The following PARN variants were observed in gnomAD, a reference collection of about 807,000 sequenced individuals.
PARN encodes the protein poly(A)-specific ribonuclease PARN.
In PARN, 71 loss-of-function variants were observed where a neutral mutation model predicts 102.8. That is an observed-to-expected ratio of 0.69 (90% CI 0.57 to 0.84). PARN has a LOEUF of 0.84. Ranked by LOEUF, PARN falls within the 40% of genes least tolerant of loss-of-function variation. The pLI is 0.00. For synonymous variants in PARN, 261 were observed against 252.9 expected (o/e 1.03, Z -0.30); for missense variants, 782 against 760.9 (o/e 1.03, Z -0.33).
intron 21 of PARN, among the ~76,000 whole-genome samples, chr16:14,531,286 A>G (rs1271142423): frequency 6.6e-6 from 1 of 151,962 alleles, no homozygotes; most frequent in Non-Finnish European, 1.5e-5. Flanking sequence ...CAGAGGTTGC[A>G]GGGAGGCAGA....
At chr16:14,604,001 T>G in intron 11 of PARN, 145 bp downstream of exon 11, 1 of 689,120 alleles carries the variant, frequency 1.5e-6, no homozygotes, top group Non-Finnish European at 2.6e-6. Context: ...CTTATTCTAG[T>G]CCAGGTTTTT....
chr16:14,549,037 G>C (rs940534594), intron 21 of PARN, among the ~76,000 whole-genome samples: 1 of 152,098 alleles, frequency 6.6e-6, no homozygotes, highest in East Asian at 1.9e-4. Flanking sequence ...TGGAGAAACT[G>C]ATGTTGAAGC....
At chr16:14,499,483 T>C (rs371390106) in intron 21 of PARN, among the ~76,000 whole-genome samples, 3 of 152,322 alleles carry the variant, frequency 2.0e-5, no homozygotes, top group South Asian at 2.1e-4. Context: ...TCACCACTCC[T>C]GGACATTAAA....
At chr16:14,553,008 G>A (rs1967415316) in intron 20 of PARN, among the ~76,000 whole-genome samples, 2 of 151,784 alleles carry the variant, frequency 1.3e-5, no homozygotes, top group South Asian at 2.1e-4. Flanking sequence ...ATGCCTTAAC[G>A]TTCGTTCTGA....
Position 14,609,039 on chromosome 16 carries a change from A to G in PARN, c.620+19T>C, listed in dbSNP as rs778990825. On this transcript the variant is annotated intron_variant, in intron 8 of 23. Coordinates refer to ENST00000437198, the MANE Select transcript of PARN (RefSeq NM_002582.4). ...CCTTTCCAAAAAAAGGACATGCAGAAATGTTCAGGACAACTAACCCGGTAC... is the reference window on the plus strand; with the variant it reads ...CCTTTCCAAAAAAAGGACATGCAGAGATGTTCAGGACAACTAACCCGGTAC... The G allele has an allele frequency of 8.1e-6, 12 of 1,476,190 alleles. No homozygotes were observed. Among genetic ancestry groups the G allele is most frequent in the Non-Finnish European group, 1.1e-5 (12 of 1,065,470 alleles). 91.4% of individuals were successfully genotyped at this position (1,476,190 alleles called of 1,614,324 possible).
intron 6 of PARN, among the ~76,000 whole-genome samples, chr16:14,616,488 G>A (rs1442950654): frequency 6.6e-6 from 1 of 152,264 alleles, no homozygotes; most frequent in East Asian, 1.9e-4. Flanking sequence ...TCTCATGCCT[G>A]TAATCCCAGC....
chr16:14,562,112 G>C (rs1273501022), intron 18 of PARN, among the ~76,000 whole-genome samples: 1 of 152,104 alleles, frequency 6.6e-6, no homozygotes, highest in African/African-American at 2.4e-5. Context: ...CTCCAGCCTG[G>C]GGAACAGAGT....
At chr16:14,623,354 A>C (rs1212007780) in intron 5 of PARN, among the ~76,000 whole-genome samples, 1 of 151,848 alleles carries the variant, frequency 6.6e-6, no homozygotes, top group African/African-American at 2.4e-5. Context: ...TCTCTACTAA[A>C]AATACAAAAA....
intron 13 of PARN, among the ~76,000 whole-genome samples, chr16:14,589,952 T>C (rs931981006): frequency 4.0e-5 from 6 of 151,690 alleles, no homozygotes; most frequent in African/African-American, 1.2e-4. Flanking sequence ...TCATTAGACT[T>C]AAGAAACGCA....
intron 11 of PARN, among the ~76,000 whole-genome samples, chr16:14,603,338 A>C (rs752221370): frequency 2.6e-5 from 4 of 152,130 alleles, no homozygotes; most frequent in Non-Finnish European, 5.9e-5. Flanking sequence ...CTGTCTCCCA[A>C]AGTGGGTCAT....
intron 18 of PARN, among the ~76,000 whole-genome samples, chr16:14,562,251 C>T (rs1293378843): frequency 4.6e-5 from 7 of 151,766 alleles, no homozygotes; most frequent in South Asian, 2.1e-4. Context: ...CCAAGGCAGG[C>T]AGATCAGAGT....
chr16:14,549,061 G>GA (rs1342830815), intron 21 of PARN, among the ~76,000 whole-genome samples: 2 of 152,168 alleles, frequency 1.3e-5, no homozygotes, highest in African/African-American at 2.4e-5. Flanking sequence ...GATAAGGCAG[G>GA]AAGGAGGGCA....
At chr16:14,596,788 CTT>C (rs200386556) in intron 12 of PARN, among the ~76,000 whole-genome samples, 17 of 135,670 alleles carry the variant, frequency 1.3e-4, no homozygotes, top group Admixed American at 2.2e-4. Context: ...TTTTTCTTTC[CTT>C]TTTTTTTTTT....
At chr16:14,618,205 G>A (rs933618292) in intron 5 of PARN, among the ~76,000 whole-genome samples, 1 of 151,980 alleles carries the variant, frequency 6.6e-6, no homozygotes. Context: ...TTAGCCGGGT[G>A]TGCCAGGCGC....
At chr16:14,503,798 C>A (rs973868843) in intron 21 of PARN, among the ~76,000 whole-genome samples, 23 of 152,274 alleles carry the variant, frequency 1.5e-4, no homozygotes, top group East Asian at 5.8e-4. Context: ...AAACTGAAGA[C>A]CCTGTTGAAT....
intron 13 of PARN, among the ~76,000 whole-genome samples, chr16:14,590,103 T>A (rs904546111): frequency 1.3e-5 from 2 of 149,642 alleles, no homozygotes; most frequent in Admixed American, 6.7e-5. Context: ...ATACAAAAAT[T>A]AGCTGGGCAT....
At chr16:14,451,869 C>A (rs201401453) in intron 22 of PARN, among the ~76,000 whole-genome samples, 2,518 of 52,180 alleles carry the variant, frequency 0.048, 2 homozygotes, top group Middle Eastern at 0.088. Flanking sequence ...AAAAAAAATA[C>A]AAAAAAAAAA....
At chr16:14,522,310 G>C (rs192196833) in intron 21 of PARN, among the ~76,000 whole-genome samples, 8 of 152,248 alleles carry the variant, frequency 5.3e-5, no homozygotes, top group Non-Finnish European at 1.0e-4. Context: ...CTTCCCACTA[G>C]GAATGTAAAG....
chr16:14,465,094 C>T (rs773546916), intron 22 of PARN, among the ~76,000 whole-genome samples: 2 of 152,088 alleles, frequency 1.3e-5, no homozygotes, highest in Non-Finnish European at 2.9e-5. Context: ...GAGATAGGAT[C>T]TTGCTCTCTG....
Sources: allele counts gnomAD v4.1 joint callset (sites outside exome capture counted in the v4.1 genomes callset), GRCh38; gene constraint gnomAD v4.1.1; transcripts MANE v1.5; gene names NCBI Gene and HGNC (gene_info 2026-07-23, HGNC 2026-07-21).